Variants in MYO1E observed in about 807,000 individuals in gnomAD.
MYO1E encodes the protein myosin IE.
A neutral mutation model predicts 151.1 loss-of-function variants in MYO1E; 68 were observed. The observed-to-expected ratio is 0.45, with a 90% CI of 0.37 to 0.55. MYO1E has a LOEUF of 0.55. Ranked by LOEUF, MYO1E falls within the 20% of genes least tolerant of loss-of-function variation. MYO1E has a pLI of 0.00. For synonymous variants in MYO1E, 601 were observed against 501.7 expected (o/e 1.20, Z -2.64); for missense variants, 1,363 against 1,389.3 (o/e 0.98, Z 0.30).
At chr15:59,274,959 T>G (rs2080309417) in intron 1 of MYO1E, among the ~76,000 whole-genome samples, 1 of 152,150 alleles carries the variant, frequency 6.6e-6, no homozygotes. Flanking sequence ...AAGGTGACAG[T>G]GGTTACAATA....
In MYO1E at chr15:59,137,197, G is replaced by A. The variant is rs1403425800; in HGVS notation, c.*183C>T. On this transcript the variant is annotated 3_prime_UTR_variant, in exon 28 of 28. Coordinates refer to ENST00000288235, the MANE Select transcript of MYO1E (RefSeq NM_004998.4). ...GAGGCTACCTTTTAGGATCACTTAT[G>A]GAGTGATACTCCCTGTCCCCAACCC... 1.6e-6 allele frequency: 1 copy of A among 640,698 alleles called. No individual in the cohort carries two copies. Among genetic ancestry groups the A allele is most frequent in the East Asian group, 2.8e-5 (1 of 36,354 alleles). The allele number at this position is 640,698 out of a possible 1,614,324, so 39.7% of individuals were successfully genotyped here.
At chr15:59,354,814 G>C (rs915871603) in intron 1 of MYO1E, among the ~76,000 whole-genome samples, 8 of 152,132 alleles carry the variant, frequency 5.3e-5, no homozygotes, top group Non-Finnish European at 1.2e-4. Flanking sequence ...TAGTAGGAAA[G>C]GAGTGAGAAA....
At chr15:59,227,810 A>G (rs1257308525) in intron 6 of MYO1E, among the ~76,000 whole-genome samples, 1 of 152,234 alleles carries the variant, frequency 6.6e-6, no homozygotes, top group Non-Finnish European at 1.5e-5. Flanking sequence ...CTATCATTCC[A>G]GCATGACTAA....
intron 6 of MYO1E, among the ~76,000 whole-genome samples, chr15:59,230,297 C>G (rs1290930390): frequency 1.3e-5 from 2 of 150,902 alleles, no homozygotes; most frequent in Admixed American, 1.3e-4. Flanking sequence ...ATCTTTCTAT[C>G]AGGGTTGTAT....
intron 10 of MYO1E, among the ~76,000 whole-genome samples, chr15:59,216,681 T>C (rs1167559297): frequency 6.6e-4 from 18 of 27,408 alleles, no homozygotes; most frequent in South Asian, 1.9e-3. Flanking sequence ...TATATATATA[T>C]ATATACACAT....
chr15:59,359,362 G>A (rs1041960259), intron 1 of MYO1E, among the ~76,000 whole-genome samples: 3 of 149,016 alleles, frequency 2.0e-5, no homozygotes, highest in Admixed American at 6.8e-5. Context: ...GGCAGCTCAT[G>A]CCTGTAGTCC....
intron 1 of MYO1E, among the ~76,000 whole-genome samples, chr15:59,284,664 A>C (rs1079203): frequency 6.7e-6 from 1 of 148,390 alleles, no homozygotes; most frequent in East Asian, 2.0e-4. Context: ...TTGTAGAGAC[A>C]GGGTCCCACT....
chr15:59,179,711 G>C (rs1428792177), intron 18 of MYO1E, among the ~76,000 whole-genome samples: 1 of 152,200 alleles, frequency 6.6e-6, no homozygotes, highest in Non-Finnish European at 1.5e-5. Context: ...CTGTAAAAAA[G>C]CCATGGACTG....
intron 5 of MYO1E, among the ~76,000 whole-genome samples, chr15:59,235,668 G>A (rs2080057799): frequency 6.6e-6 from 1 of 152,134 alleles, no homozygotes; most frequent in Non-Finnish European, 1.5e-5. Flanking sequence ...ATACATTTCA[G>A]CATATCTAAA....
rs368761394 is a variant in MYO1E at position 59,216,666 on chromosome 15, GTA to G, written c.1107+1223_1107+1224del. On this transcript the variant is annotated intron_variant, in intron 10 of 27. Transcript: ENST00000288235. ...CCAGTGTGTGTGTGTGTGTGTATGT[GTA>G]TATATATATATATATATACACATAC... Among the ~76,000 whole-genome samples the G allele has an allele frequency of 1.2e-3, 38 of 30,826 alleles. 1 individual carries two copies. The highest frequency in any genetic ancestry group is 2.4e-3 in the East Asian group (4 of 1,652). The allele number at this position is 30,826 out of a possible 152,430, so 20.2% of individuals were successfully genotyped here. A position where few individuals can be genotyped will look rare whatever the true frequency, so the allele number is the denominator to read the frequency against.
At chr15:59,213,867 G>C (rs1281587584) in intron 12 of MYO1E, among the ~76,000 whole-genome samples, 1 of 152,182 alleles carries the variant, frequency 6.6e-6, no homozygotes, top group Non-Finnish European at 1.5e-5. Flanking sequence ...ATTGAAAATG[G>C]CGTAGATCTG....
intron 14 of MYO1E, chr15:59,206,922 A>G (rs777541324): frequency 1.9e-6 from 3 of 1,599,912 alleles, no homozygotes; most frequent in Non-Finnish European, 2.6e-6. Context: ...CTCTCTCTCC[A>G]CTTCTTCAGT....
At chr15:59,151,047 ACACGCG>A (rs2079473983) in intron 26 of MYO1E, among the ~76,000 whole-genome samples, 2 of 90,020 alleles carry the variant, frequency 2.2e-5, no homozygotes, top group Non-Finnish European at 4.4e-5. Flanking sequence ...ACACACACAC[ACACGCG>A]CGCGCGCGCA....
chr15:59,325,909 T>A (rs889174464), intron 1 of MYO1E, among the ~76,000 whole-genome samples: 1 of 152,092 alleles, frequency 6.6e-6, no homozygotes, highest in Admixed American at 6.5e-5. Flanking sequence ...CTAACCCCCA[T>A]GGCCTATAAT....
At chr15:59,188,704 AATAAAT>A (rs1403847549) in intron 17 of MYO1E, among the ~76,000 whole-genome samples, 1 of 151,934 alleles carries the variant, frequency 6.6e-6, no homozygotes, top group Non-Finnish European at 1.5e-5. Context: ...TCAGAAATAA[AATAAAT>A]ATAAATAAAT....
At chr15:59,236,097 T>C (rs1255687430) in intron 5 of MYO1E, among the ~76,000 whole-genome samples, 3 of 152,040 alleles carry the variant, frequency 2.0e-5, no homozygotes, top group Non-Finnish European at 4.4e-5. Flanking sequence ...ATCCCAGCAC[T>C]TTGGGAGGCC....
intron 17 of MYO1E, among the ~76,000 whole-genome samples, chr15:59,193,676 C>A (rs1228798703): frequency 6.6e-6 from 1 of 152,144 alleles, no homozygotes; most frequent in Admixed American, 6.5e-5. Flanking sequence ...GAGAATGATT[C>A]TTATCGCAGA....
In MYO1E at chr15:59,372,627, G is replaced by A. The variant is rs912456810; in HGVS notation, c.-127C>T. 67 of 1,242,438 alleles carry A rather than the reference G, an allele frequency of 5.4e-5. No homozygotes were observed. Among genetic ancestry groups the A allele is most frequent in the Non-Finnish European group, 6.7e-5 (60 of 899,598 alleles). The allele number at this position is 1,242,438 out of a possible 1,614,324, so 77.0% of individuals were successfully genotyped here. A position where few individuals can be genotyped will look rare whatever the true frequency, so the allele number is the denominator to read the frequency against. ...CCAAAAACAGGCTCCCGACACCCAA[G>A]CACTCACAGGAGCCAATGGGAACCC... On this transcript the variant is annotated 5_prime_UTR_variant, in exon 1 of 28. Transcript: ENST00000288235.
chr15:59,233,950 A>C (rs542049323), intron 5 of MYO1E, among the ~76,000 whole-genome samples: 3 of 151,672 alleles, frequency 2.0e-5, no homozygotes, highest in African/African-American at 7.3e-5. Context: ...CTTTTTTTAC[A>C]TATTGGGTTA....
Sources: gnomAD v4.1 joint callset for allele counts (sites outside exome capture counted in the v4.1 genomes callset) on GRCh38, gnomAD v4.1.1 for gene constraint, MANE v1.5 for transcripts, NCBI Gene and HGNC (gene_info 2026-07-23, HGNC 2026-07-21) for gene names.